EPB41L1: variants seen among roughly 807,000 people sequenced by gnomAD.
The protein encoded by EPB41L1 is erythrocyte membrane protein band 4.1 like 1, also known as band 4.1-like protein 1.
In EPB41L1, 29 loss-of-function variants were observed where a neutral mutation model predicts 97.8. The observed-to-expected ratio is 0.30, with a 90% confidence interval of 0.22 to 0.40. The LOEUF (loss-of-function observed/expected upper bound fraction) is 0.40, where lower values mean the gene tolerates loss of function less well. Among genes scored for constraint, EPB41L1 ranks in the 10% least tolerant of loss-of-function variants. EPB41L1 has a pLI of 1.00. For missense variants in EPB41L1, 812 were observed against 1,162.3 expected (o/e 0.70, Z 4.38); for synonymous variants, 383 against 459.2 (o/e 0.83, Z 2.12).
Position 36,214,340 on chromosome 20 carries a change from A to G in EPB41L1, c.2185-17A>G. On this transcript the variant is annotated splice_polypyrimidine_tract_variant and intron_variant, in intron 16 of 21. Coordinates refer to ENST00000338074, the MANE Select transcript of EPB41L1 (RefSeq NM_012156.2). ...TACCCAGCTCTCCCCAGCTCTAACG[A>G]CTCCTCCTCTGGTCAGCAGGTTGAT... is the stretch of plus-strand genomic sequence containing the variant. The G allele has an allele frequency of 6.2e-7, 1 of 1,610,546 alleles. No homozygotes were observed. Among genetic ancestry groups the G allele is most frequent in the Non-Finnish European group, 8.5e-7 (1 of 1,177,900 alleles).
chr20:36,178,632 C>G lies in EPB41L1; in HGVS notation c.450C>G (p.Asn150Lys), dbSNP rs765372272. 1 of 1,614,154 alleles carries G rather than the reference C, an allele frequency of 6.2e-7. No homozygotes were observed. Among genetic ancestry groups the G allele is most frequent in the Non-Finnish European group, 8.5e-7 (1 of 1,179,982 alleles). Residue 150 changes from asparagine to lysine, a missense_variant and splice_region_variant, in exon 5 of 22, where the codon AAC (asparagine) becomes AAG (lysine). Transcript: ENST00000338074. Reference protein sequence around the residue: ...LTFCDADSQKNWLDPSKEIKK... With the variant: ...LTFCDADSQKKWLDPSKEIKK... ...AAGATCTCTATCTTTTCTTTTAGAA[C>G]TGGCTGGACCCCTCCAAGGAGATCA...
intron 19 of EPB41L1, among the ~76,000 whole-genome samples, chr20:36,220,389 C>T (rs550271168): frequency 2.6e-5 from 4 of 152,124 alleles, no homozygotes; most frequent in Non-Finnish European, 5.9e-5. Flanking sequence ...GTAAGTGAGG[C>T]CTGTTTATGG....
chr20:36,107,617 G>A (rs950817077), intron 1 of EPB41L1, among the ~76,000 whole-genome samples: 12 of 144,574 alleles, frequency 8.3e-5, no homozygotes, highest in Admixed American at 4.9e-4. Flanking sequence ...ATCACTTGAC[G>A]TCAGGAGTTC....
chr20:36,138,316 G>A (rs1383592747), intron 2 of EPB41L1, among the ~76,000 whole-genome samples: 2 of 150,414 alleles, frequency 1.3e-5, no homozygotes, highest in Non-Finnish European at 2.9e-5. Flanking sequence ...CCAGGCTGGA[G>A]TGCAGTGGCA....
chr20:36,104,770 C>T (rs1020823296), intron 1 of EPB41L1, among the ~76,000 whole-genome samples: 3 of 152,158 alleles, frequency 2.0e-5, no homozygotes, highest in Non-Finnish European at 4.4e-5. Flanking sequence ...TCTCTGAATC[C>T]ACCTCCCTCA....
chr20:36,131,965 A>G (rs2059227400), intron 2 of EPB41L1, among the ~76,000 whole-genome samples: 1 of 151,988 alleles, frequency 6.6e-6, no homozygotes, highest in Admixed American at 6.6e-5. Flanking sequence ...TTCCCCCACA[A>G]AGTTATCTCT....
intron 2 of EPB41L1, among the ~76,000 whole-genome samples, chr20:36,120,374 G>T (rs1238910925): frequency 6.6e-6 from 1 of 152,222 alleles, no homozygotes; most frequent in Admixed American, 6.5e-5. Context: ...AGGAGGAAAA[G>T]GGCAGTCAGT....
At chr20:36,101,806 C>T (rs1380429782) in intron 1 of EPB41L1, among the ~76,000 whole-genome samples, 3 of 151,962 alleles carry the variant, frequency 2.0e-5, no homozygotes, top group African/African-American at 4.8e-5. Context: ...GTCAGGGGTT[C>T]GAGACCAGCC....
At chr20:36,132,755 C>T (rs753309868) in intron 2 of EPB41L1, among the ~76,000 whole-genome samples, 5 of 151,948 alleles carry the variant, frequency 3.3e-5, no homozygotes, top group African/African-American at 7.3e-5. Flanking sequence ...ATGGGGGGCC[C>T]GGAAGGAAGG....
In EPB41L1 at chr20:36,195,470, C is replaced by A; in HGVS notation, c.1485+106C>A. Reference sequence around the variant, plus strand: ...GCTCACTTCCCTGGCACCATCTCAGCTTCAACTTCATCTCTGCTCCCCAGC... The same window carrying A: ...GCTCACTTCCCTGGCACCATCTCAGATTCAACTTCATCTCTGCTCCCCAGC... On this transcript the variant is annotated intron_variant, in intron 13 of 21. Coordinates refer to ENST00000338074, the MANE Select transcript of EPB41L1 (RefSeq NM_012156.2). The surrounding 1 kb of genome is among the most constrained non-coding windows in gnomAD (Gnocchi z 4.6). 1 of 1,317,874 alleles carries A rather than the reference C, an allele frequency of 7.6e-7. No individual in the cohort carries two copies. The highest frequency in any genetic ancestry group is 1.1e-6 in the Non-Finnish European group (1 of 919,768). The allele number at this position is 1,317,874 out of a possible 1,614,324, so 81.6% of individuals were successfully genotyped here. A position where few individuals can be genotyped will look rare whatever the true frequency, so the allele number is the denominator to read the frequency against.
intron 21 of EPB41L1, among the ~76,000 whole-genome samples, chr20:36,227,695 C>G (rs191477554): frequency 6.6e-6 from 1 of 152,218 alleles, no homozygotes; most frequent in Admixed American, 6.5e-5. Flanking sequence ...TCTTCTGTTC[C>G]TTCTGCAAAT....
chr20:36,219,610 G>T (rs2063653819), intron 18 of EPB41L1, 151 bp from the exon 19 acceptor site: 1 of 691,460 alleles, frequency 1.4e-6, no homozygotes, highest in Middle Eastern at 3.8e-4. Flanking sequence ...GTTTTCTGAA[G>T]ATTCTAGTAT....
chr20:36,219,763 C>T lies in EPB41L1; in HGVS notation c.2358C>T (p.Ile786=), dbSNP rs981904005. 1 of 1,613,914 alleles carries T rather than the reference C, an allele frequency of 6.2e-7. No homozygotes were observed. The highest frequency in any genetic ancestry group is 1.3e-5 in the African/African-American group (1 of 74,930). The stretch of plus-strand genomic sequence containing the variant: ...TGGGGGGTGGTTATATTCTGCAGAT[C>T]ATCGGGAAAGATGTCCTCACCAGCA... The part of the protein sequence containing the change: ...VATEIRSLSP[I]IGKDVLTSTY... The change falls in exon 19 of 22, where the codon ATC becomes ATT. Residue 786 remains isoleucine, a splice_region_variant and synonymous_variant. Transcript: ENST00000338074.
At chr20:36,159,568 C>T (rs2060447858) in intron 1 of EPB41L1, among the ~76,000 whole-genome samples, 1 of 152,206 alleles carries the variant, frequency 6.6e-6, no homozygotes. Flanking sequence ...GTTGAGTTCA[C>T]ATTTTATTCA....
In EPB41L1 at chr20:36,206,678, A is replaced by G; in HGVS notation, c.1669-2810A>G. 7.8e-7 allele frequency: 1 copy of G among 1,289,886 alleles called. No homozygotes were observed. Among genetic ancestry groups the G allele is most frequent in the Non-Finnish European group, 1.0e-6 (1 of 988,880 alleles). The allele number at this position is 1,289,886 out of a possible 1,614,324, so 79.9% of individuals were successfully genotyped here. A position where few individuals can be genotyped will look rare whatever the true frequency, so the allele number is the denominator to read the frequency against. On this transcript the variant is annotated intron_variant, in intron 14 of 21. Coordinates refer to ENST00000338074, the MANE Select transcript of EPB41L1 (RefSeq NM_012156.2). This position sits in a 1 kb window ranked among gnomAD's most constrained non-coding sequence, Gnocchi z 5.5. ...CCAAAGGAAGGGGCAGGGACCCCCA[A>G]GAACCATGGAGGACCTGGTGACCTG... is the stretch of plus-strand genomic sequence containing the variant.
intron 2 of EPB41L1, 151 bp downstream of exon 2, chr20:36,174,105 A>G: frequency 1.1e-6 from 1 of 900,138 alleles, no homozygotes; most frequent in Non-Finnish European, 1.8e-6. Flanking sequence ...TGCTGGGAGC[A>G]TTGTTGTTAT....
chr20:36,187,114 C>T (rs1436628533), intron 7 of EPB41L1, among the ~76,000 whole-genome samples: 1 of 152,144 alleles, frequency 6.6e-6, no homozygotes, highest in African/African-American at 2.4e-5. Context: ...GCACATAGTA[C>T]TCAATAAATG....
intron 3 of EPB41L1, among the ~76,000 whole-genome samples, chr20:36,175,979 A>C (rs571695186): frequency 1.2e-4 from 19 of 152,302 alleles, no homozygotes; most frequent in Non-Finnish European, 2.6e-4. Flanking sequence ...ATACCTTGGC[A>C]AGGATGCCAC....
intron 16 of EPB41L1, 39 bp from the exon 17 acceptor site, chr20:36,214,318 C>T (rs369252808): frequency 7.7e-6 from 12 of 1,554,296 alleles, no homozygotes; most frequent in African/African-American, 1.4e-5. Flanking sequence ...GCAGGTATAC[C>T]CAGCTCTCCC....
Sources: allele counts gnomAD v4.1 joint callset (sites outside exome capture counted in the v4.1 genomes callset), GRCh38; gene constraint gnomAD v4.1.1; non-coding constraint Gnocchi (gnomAD v3.1); transcripts MANE v1.5; gene names NCBI Gene and HGNC (gene_info 2026-07-23, HGNC 2026-07-21).